Variants in EFCAB6 observed in about 807,000 individuals in gnomAD.
EFCAB6 encodes EF-hand calcium binding domain 6.
In EFCAB6, 156 loss-of-function variants were observed where a neutral mutation model predicts 169.8. The observed-to-expected ratio is 0.92, with a 90% CI of 0.81 to 1.05. The LOEUF (loss-of-function observed/expected upper bound fraction) is 1.05. EFCAB6 is among the 50% of genes least tolerant of loss of function. EFCAB6 has a pLI of 0.00. For missense variants in EFCAB6, 1,800 were observed against 1,829.1 expected, an observed-to-expected ratio of 0.98 and a Z score of 0.29; for synonymous variants, 698 against 676.4, an observed-to-expected ratio of 1.03 and a Z score of -0.50.
intron 1 of EFCAB6, among the ~76,000 whole-genome samples, chr22:43,811,204 CG>C (rs759134251): frequency 6.7e-6 from 1 of 149,458 alleles, no homozygotes; most frequent in East Asian, 2.0e-4. Context: ...CGCTTGAACC[CG>C]GGAGGTGGAG....
At chr22:43,556,198 T>G (rs900815822) in intron 26 of EFCAB6, among the ~76,000 whole-genome samples, 1 of 151,546 alleles carries the variant, frequency 6.6e-6, no homozygotes. Context: ...TTGAGCCTCC[T>G]GCAAAGAGGC....
intron 19 of EFCAB6, 139 bp downstream of exon 19, chr22:43,631,966 T>C: frequency 7.8e-7 from 1 of 1,281,878 alleles, no homozygotes; most frequent in Non-Finnish European, 1.1e-6. Flanking sequence ...TGACCAATGC[T>C]GGGTCTGCAG....
intron 2 of EFCAB6, among the ~76,000 whole-genome samples, chr22:43,784,025 C>T (rs897180020): frequency 3.9e-5 from 6 of 152,100 alleles, no homozygotes; most frequent in Non-Finnish European, 5.9e-5. Context: ...GCCGTGATTA[C>T]GCCACTGCAC....
At position 43,711,474 on chromosome 22, in the gene EFCAB6, C is replaced by T. The variant is rs1016569408; in HGVS notation, c.1031+1G>A. 1.9e-5 allele frequency: 30 copies of T among 1,577,756 alleles called. No homozygotes were observed. The highest frequency in any genetic ancestry group is 2.5e-5 in the Non-Finnish European group (29 of 1,168,656). On this transcript the variant is annotated splice_donor_variant, in intron 10 of 31. Transcript: ENST00000262726. LOFTEE classifies it high-confidence loss of function. ...TGTCAAGGAAACAATGAGACTCTTA[C>T]CTTTTCATTAACTGGATAAAAATTC...
intron 26 of EFCAB6, among the ~76,000 whole-genome samples, chr22:43,561,944 C>T (rs60013534): frequency 0.21 from 31,687 of 152,140 alleles, 3,558 homozygotes; most frequent in African/African-American, 0.25. Context: ...AGCAGGGCTG[C>T]AGGAAAGGCG....
At chr22:43,540,700 C>T (rs1315533971) in intron 27 of EFCAB6, among the ~76,000 whole-genome samples, 1 of 152,122 alleles carries the variant, frequency 6.6e-6, no homozygotes, top group Non-Finnish European at 1.5e-5. Flanking sequence ...AAATGCAAAT[C>T]AGAGCCCCCA....
chr22:43,608,890 A>G (rs560950426), intron 21 of EFCAB6, among the ~76,000 whole-genome samples: 4 of 152,272 alleles, frequency 2.6e-5, no homozygotes, highest in Admixed American at 6.5e-5. Flanking sequence ...AAATGATTAG[A>G]AATAAGGGCC....
chr22:43,544,987 GA>G (rs57838772), intron 27 of EFCAB6, among the ~76,000 whole-genome samples: 125,751 of 150,652 alleles, frequency 0.83, 52,775 homozygotes, highest in Admixed American at 0.9. Flanking sequence ...AAATAAAAAA[GA>G]AAAAAAAAAT....
At chr22:43,698,975 A>G (rs1189293259) in intron 10 of EFCAB6, among the ~76,000 whole-genome samples, 1 of 152,194 alleles carries the variant, frequency 6.6e-6, no homozygotes, top group Non-Finnish European at 1.5e-5. Flanking sequence ...TTCTGGGTAG[A>G]GGCATAACAG....
intron 3 of EFCAB6, among the ~76,000 whole-genome samples, chr22:43,773,987 A>G (rs2061559516): frequency 6.6e-6 from 1 of 152,214 alleles, no homozygotes; most frequent in African/African-American, 2.4e-5. Context: ...GATACACCAT[A>G]GGCCTCCTTC....
At chr22:43,654,525 A>C (rs968137942) in intron 17 of EFCAB6, among the ~76,000 whole-genome samples, 2 of 152,260 alleles carry the variant, frequency 1.3e-5, no homozygotes, top group African/African-American at 4.8e-5. Context: ...CTTCCTTCCA[A>C]AAACACATTA....
chr22:43,663,578 G>A (rs1168465021), intron 17 of EFCAB6, among the ~76,000 whole-genome samples: 1 of 152,180 alleles, frequency 6.6e-6, no homozygotes, highest in Non-Finnish European at 1.5e-5. Context: ...AGCTTAAACC[G>A]AACAAATCAC....
chr22:43,537,670 A>G lies in EFCAB6; in HGVS notation c.3880-125T>C. The G allele has an allele frequency of 1.7e-6, 2 of 1,148,060 alleles. No individual in the cohort carries two copies. The highest frequency in any genetic ancestry group is 3.5e-5 in the South Asian group (2 of 57,802). 71.1% of individuals were successfully genotyped at this position (1,148,060 alleles called of 1,614,324 possible). A position where few individuals can be genotyped will look rare whatever the true frequency, so the allele number is the denominator to read the frequency against. ...GAGGCAGAATTAGCCCAGAAATAAA[A>G]TGAAGAATAAAACATAGATGGTGAT... On this transcript the variant is annotated intron_variant, in intron 28 of 31. Transcript: ENST00000262726. The surrounding 1 kb of genome is among the most constrained non-coding windows in gnomAD (Gnocchi z 4.3).
intron 27 of EFCAB6, 173 bp from the exon 28 acceptor site, chr22:43,540,530 G>A (rs571751228): frequency 1.2e-5 from 19 of 1,528,792 alleles, no homozygotes; most frequent in African/African-American, 4.1e-5. Flanking sequence ...CTCGGCGGAG[G>A]CCTCAGGAAG....
chr22:43,553,966 A>T (rs2048539489), intron 27 of EFCAB6: 1 of 152,986 alleles, frequency 6.5e-6, no homozygotes. Context: ...CAGCATGCTT[A>T]GAGCAGCAGC....
At chr22:43,670,198 T>C (rs1406323678) in intron 15 of EFCAB6, among the ~76,000 whole-genome samples, 1 of 152,202 alleles carries the variant, frequency 6.6e-6, no homozygotes, top group Non-Finnish European at 1.5e-5. Context: ...TGAGCCTATA[T>C]GAAAGCACAG....
At chr22:43,703,625 G>GA (rs964475530) in intron 10 of EFCAB6, among the ~76,000 whole-genome samples, 3 of 149,980 alleles carry the variant, frequency 2.0e-5, no homozygotes, top group Non-Finnish European at 4.4e-5. Context: ...AGCAATACAT[G>GA]AAAAAAAATA....
intron 5 of EFCAB6, among the ~76,000 whole-genome samples, chr22:43,756,362 T>G (rs1275326895): frequency 6.6e-6 from 1 of 152,182 alleles, no homozygotes; most frequent in East Asian, 1.9e-4. Flanking sequence ...CTACGTCCCC[T>G]TAACGGCTCA....
At chr22:43,773,504 A>G (rs1480021531) in intron 3 of EFCAB6, among the ~76,000 whole-genome samples, 2 of 152,182 alleles carry the variant, frequency 1.3e-5, no homozygotes, top group African/African-American at 4.8e-5. Context: ...AACCCAGACC[A>G]TTTCCCTTTC....
Sources: allele counts gnomAD v4.1 joint callset (sites outside exome capture counted in the v4.1 genomes callset), GRCh38; gene constraint gnomAD v4.1.1; non-coding constraint Gnocchi (gnomAD v3.1); transcripts MANE v1.5; gene names NCBI Gene and HGNC (gene_info 2026-07-23, HGNC 2026-07-21).